The following CACNA1H variants were observed in gnomAD, a reference collection of about 807,000 sequenced individuals.
CACNA1H encodes the protein calcium voltage-gated channel subunit alpha1 H.
In CACNA1H, 149 loss-of-function variants were observed where a neutral mutation model predicts 192.5. The ratio of observed to expected loss-of-function variants is 0.77; its 90% CI spans 0.68 to 0.89. CACNA1H has a LOEUF of 0.89. Among genes scored for constraint, CACNA1H ranks in the 40% least tolerant of loss-of-function variants. The probability of loss-of-function intolerance (pLI) is 0.00; values close to 1 mark genes in which losing one functional copy is unlikely to be tolerated. For synonymous variants in CACNA1H, 2,202 were observed against 1,475.2 expected, an observed-to-expected ratio of 1.49 and a Z score of -11.29; for missense variants, 4,257 against 3,423.5, an observed-to-expected ratio of 1.24 and a Z score of -6.08.
chr16:1,195,414 T>G lies in CACNA1H; in HGVS notation c.412-18T>G. The G allele has an allele frequency of 6.4e-7, 1 of 1,550,932 alleles. No homozygotes were observed. Among genetic ancestry groups the G allele is most frequent in the South Asian group, 1.2e-5 (1 of 84,026 alleles). ...AGCTGAGCTGTTCCACGGGCCCTCC[T>G]GATGCCTCCTCCCGCAGGCCTTTGA... is the stretch of plus-strand genomic sequence containing the variant. On this transcript the variant is annotated intron_variant, in intron 3 of 34. Transcript: ENST00000348261.
At chr16:1,164,458 A>G (rs562379446) in intron 2 of CACNA1H, among the ~76,000 whole-genome samples, 2 of 152,168 alleles carry the variant, frequency 1.3e-5, no homozygotes, top group East Asian at 1.9e-4. Context: ...CAGCCTCCCC[A>G]GGTGCCAGGA....
At chr16:1,197,008 C>T (rs1967062610) in intron 5 of CACNA1H, among the ~76,000 whole-genome samples, 1 of 152,158 alleles carries the variant, frequency 6.6e-6, no homozygotes, top group Non-Finnish European at 1.5e-5. Context: ...CCTTGGCACT[C>T]AGGGCTTGAC....
chr16:1,196,171 G>T (rs1050961033), intron 5 of CACNA1H, 148 bp downstream of exon 5: 306 of 652,352 alleles, frequency 4.7e-4, no homozygotes, highest in Middle Eastern at 5.1e-4. Context: ...CCAGCAGTGG[G>T]GTGGCCCCTG....
chr16:1,201,329 C>T (rs773726634), intron 8 of CACNA1H, among the ~76,000 whole-genome samples: 6 of 152,062 alleles, frequency 3.9e-5, no homozygotes, highest in African/African-American at 1.2e-4. Flanking sequence ...GGAGGAAACG[C>T]ACCTGGGGTG....
intron 2 of CACNA1H, among the ~76,000 whole-genome samples, chr16:1,172,761 C>T (rs1301330480): frequency 6.6e-6 from 1 of 152,070 alleles, no homozygotes; most frequent in Non-Finnish European, 1.5e-5. Flanking sequence ...CACCCAGGGG[C>T]GGAGTGGGCT....
chr16:1,221,187 C>G lies in CACNA1H; in HGVS notation c.*193C>G. 1 of 546,972 alleles carries G rather than the reference C, an allele frequency of 1.8e-6. No homozygotes were observed. Among genetic ancestry groups the G allele is most frequent in the Non-Finnish European group, 3.2e-6 (1 of 314,372 alleles). The allele number at this position is 546,972 out of a possible 1,614,324, so 33.9% of individuals were successfully genotyped here. ...AGTAGCTGCCGGGCCCCACGAGCCT[C>G]CGTCCGTTCTGGTTCGGGTTTCTCC... On this transcript the variant is annotated 3_prime_UTR_variant, in exon 35 of 35. Transcript: ENST00000348261.
chr16:1,170,480 A>G (rs113802594), intron 2 of CACNA1H, among the ~76,000 whole-genome samples: 13,150 of 152,180 alleles, frequency 0.086, 1,671 homozygotes, highest in African/African-American at 0.28. Context: ...GGACGGGAGG[A>G]GATGGACCGT....
rs181709630 is a variant in CACNA1H at position 1,190,309 on chromosome 16, C to G, written c.300-4663C>G. ...AATCTAAAGGAATTTTTAATTAAAA[C>G]CCAGAAAATCCATCTGTATGATTAA... is the stretch of plus-strand genomic sequence containing the variant. On this transcript the variant is annotated intron_variant, in intron 2 of 34. Coordinates refer to ENST00000348261, the MANE Select transcript of CACNA1H (RefSeq NM_021098.3). 1.1e-4 allele frequency among the ~76,000 whole-genome samples: 16 copies of G among 152,380 alleles called. No individual in the cohort carries two copies. The East Asian group carries it at 2.1e-3, about 20-fold the overall frequency.
At position 1,220,065 on chromosome 16, in the gene CACNA1H, C is replaced by T; in HGVS notation, c.6133C>T (p.Pro2045Ser). The change falls in exon 35 of 35, where the codon CCG (proline) becomes TCG (serine). Residue 2045 changes from proline to serine, a missense_variant. Physicochemically the swap from Pro to Ser is moderately conservative, Grantham distance 74 (BLOSUM62 -1). Coordinates refer to ENST00000348261, the MANE Select transcript of CACNA1H (RefSeq NM_021098.3). ...TCCTGCAGAGCCTGGTGAGAAAACC[C>T]CGGTGAGGCCGGTGACCCAGGGGGG... ...LDPAEPGEKT[P>S]VRPVTQGGSL... The T allele has an allele frequency of 7.0e-7, 1 of 1,433,698 alleles. No individual in the cohort carries two copies. Among genetic ancestry groups the T allele is most frequent in the Non-Finnish European group, 9.1e-7 (1 of 1,095,454 alleles). 88.8% of individuals were successfully genotyped at this position (1,433,698 alleles called of 1,614,324 possible).
In CACNA1H at chr16:1,162,560, G is replaced by A. The variant is rs1189417020; in HGVS notation, c.299+8524G>A. Among the ~76,000 whole-genome samples, 9 of 152,054 alleles carry A rather than the reference G, an allele frequency of 5.9e-5. No homozygotes were observed. The South Asian group carries it at 1.2e-3, about 21-fold the overall frequency. On this transcript the variant is annotated intron_variant, in intron 2 of 34. Transcript: ENST00000348261. The stretch of plus-strand genomic sequence containing the variant: ...GGTCATTCGGAGCCTCGGTTGGCAC[G>A]GGGGCTGGTGCTGCAGTTGTGTCTC...
intron 2 of CACNA1H, among the ~76,000 whole-genome samples, chr16:1,181,978 A>G (rs1215592407): frequency 6.6e-6 from 1 of 151,900 alleles, no homozygotes; most frequent in East Asian, 1.9e-4. Context: ...TCGCACACGC[A>G]TGCACACAGG....
chr16:1,220,172 C>A lies in CACNA1H; in HGVS notation c.6240C>A (p.Ser2080=). The part of the protein sequence containing the change: ...RKHTFGQRCV[S]SRPAAPGGEE... ...ATACCTTCGGACAGCGCTGCGTCTC[C>A]AGCCGGCCGGCGGCCCCAGGCGGAG... The change falls in exon 35 of 35, where the codon TCC becomes TCA. Residue 2080 remains serine, a synonymous_variant. Coordinates refer to ENST00000348261, the MANE Select transcript of CACNA1H (RefSeq NM_021098.3). The A allele has an allele frequency of 1.3e-6, 2 of 1,520,744 alleles. No individual in the cohort carries two copies. The highest frequency in any genetic ancestry group is 1.3e-5 in the South Asian group (1 of 77,052). The allele number at this position is 1,520,744 out of a possible 1,614,324, so 94.2% of individuals were successfully genotyped here.
chr16:1,208,495 C>G (rs560434542), intron 16 of CACNA1H, among the ~76,000 whole-genome samples: 2 of 152,208 alleles, frequency 1.3e-5, no homozygotes, highest in Non-Finnish European at 2.9e-5. Context: ...CCGAAGCAAG[C>G]AGGGGCAGAA....
chr16:1,202,592 T>C, intron 9 of CACNA1H, 140 bp downstream of exon 9: 2 of 776,336 alleles, frequency 2.6e-6, no homozygotes, highest in Admixed American at 3.4e-5. Flanking sequence ...CAGCTATGCC[T>C]CTGGAGCCCA....
intron 2 of CACNA1H, among the ~76,000 whole-genome samples, chr16:1,194,218 T>C (rs1479839746): frequency 5.3e-5 from 8 of 152,168 alleles, no homozygotes; most frequent in Non-Finnish European, 1.5e-5. Context: ...TGCCCAGCTC[T>C]GTCTCCTCCT....
At chr16:1,207,641 G>T in intron 14 of CACNA1H, 129 bp from the exon 15 acceptor site, 1 of 946,864 alleles carries the variant, frequency 1.1e-6, no homozygotes. Flanking sequence ...GCCCACCCTG[G>T]CAGTGACATC....
intron 2 of CACNA1H, among the ~76,000 whole-genome samples, chr16:1,163,629 C>T (rs560494866): frequency 6.6e-6 from 1 of 152,378 alleles, no homozygotes; most frequent in South Asian, 2.1e-4. Flanking sequence ...TCTGATGAGT[C>T]AGCCTGCATT....
intron 2 of CACNA1H, among the ~76,000 whole-genome samples, chr16:1,155,916 T>C (rs1260375915): frequency 2.0e-5 from 3 of 151,866 alleles, no homozygotes; most frequent in Non-Finnish European, 4.4e-5. Context: ...GAGCTGTCCT[T>C]TTGGGCTTTG....
rs1596443356 is a variant in CACNA1H, at chr16:1,207,439, G to A, written c.3063+9G>A. The A allele has an allele frequency of 1.2e-6, 2 of 1,612,164 alleles. No individual in the cohort carries two copies. Among genetic ancestry groups the A allele is most frequent in the Non-Finnish European group, 1.7e-6 (2 of 1,179,464 alleles). On this transcript the variant is annotated intron_variant, in intron 14 of 34. Coordinates refer to ENST00000348261, the MANE Select transcript of CACNA1H (RefSeq NM_021098.3). Reference sequence around the variant, plus strand: ...AGGGCTTCCAGGCGGAGGTGAGGGGGCAGGGAGAGGGGCTGCCAGGAGGAG... The same window carrying A: ...AGGGCTTCCAGGCGGAGGTGAGGGGACAGGGAGAGGGGCTGCCAGGAGGAG...
Sources: gnomAD v4.1 joint callset for allele counts (sites outside exome capture counted in the v4.1 genomes callset) on GRCh38, gnomAD v4.1.1 for gene constraint, MANE v1.5 for transcripts, NCBI Gene and HGNC (gene_info 2026-07-23, HGNC 2026-07-21) for gene names.